The following KIAA1671 variants were observed in gnomAD, a reference collection of about 807,000 sequenced individuals.
The protein encoded by KIAA1671 is uncharacterized protein KIAA1671.
In KIAA1671, 52 loss-of-function variants were observed where a neutral mutation model predicts 131.2. The ratio of observed to expected loss-of-function variants is 0.40; its 90% CI spans 0.32 to 0.50. The LOEUF (loss-of-function observed/expected upper bound fraction) is 0.50. Ranked by LOEUF, KIAA1671 falls within the 20% of genes least tolerant of loss-of-function variation. The pLI is 0.73. For missense variants in KIAA1671, 2,360 were observed against 2,364.2 expected (o/e 1.00, Z 0.04); for synonymous variants, 1,003 against 961.6 (o/e 1.04, Z -0.80).
chr22:25,085,095 G>C (rs1929634132), intron 6 of KIAA1671, among the ~76,000 whole-genome samples: 1 of 152,254 alleles, frequency 6.6e-6, no homozygotes, highest in South Asian at 2.1e-4. Flanking sequence ...AGGAGTGGCA[G>C]AGAATGTGTA....
At chr22:25,009,265 T>C (rs2123873900) in intron 1 of KIAA1671, among the ~76,000 whole-genome samples, 1 of 138,676 alleles carries the variant, frequency 7.2e-6, no homozygotes, top group South Asian at 2.5e-4. Context: ...TTTTTTTTTT[T>C]TTTTTTTTTT....
chr22:25,149,566 C>T (rs1309449921), intron 6 of KIAA1671, among the ~76,000 whole-genome samples: 1 of 152,134 alleles, frequency 6.6e-6, no homozygotes, highest in Non-Finnish European at 1.5e-5. Context: ...TGAGCCCTTC[C>T]TCCTTGCCCC....
At chr22:25,136,432 G>A (rs1240786390) in intron 6 of KIAA1671, among the ~76,000 whole-genome samples, 1 of 152,158 alleles carries the variant, frequency 6.6e-6, no homozygotes, top group Non-Finnish European at 1.5e-5. Flanking sequence ...CCAGACTGTG[G>A]CATTTCTGAT....
At chr22:24,989,084 T>C (rs917556022) in intron 1 of KIAA1671, among the ~76,000 whole-genome samples, 2 of 152,218 alleles carry the variant, frequency 1.3e-5, no homozygotes, top group East Asian at 3.9e-4. Flanking sequence ...CAATCTTTTT[T>C]CAAGGTCCCT....
chr22:25,042,237 A>G (rs1440869563), intron 5 of KIAA1671, among the ~76,000 whole-genome samples: 3 of 152,194 alleles, frequency 2.0e-5, no homozygotes, highest in African/African-American at 2.4e-5. Flanking sequence ...CCTGTTTTAC[A>G]CTTCTGTCCT....
intron 6 of KIAA1671, among the ~76,000 whole-genome samples, chr22:25,096,640 C>T (rs985563028): frequency 1.3e-5 from 2 of 152,220 alleles, no homozygotes. Flanking sequence ...AATTGACATA[C>T]AATAAACAAC....
At chr22:25,141,324 C>G (rs1393299093) in intron 6 of KIAA1671, among the ~76,000 whole-genome samples, 4 of 152,094 alleles carry the variant, frequency 2.6e-5, no homozygotes, top group Non-Finnish European at 5.9e-5. Flanking sequence ...GCTCTGCCTC[C>G]TGGGTTCACG....
At chr22:25,119,657 GAGTGTATTTTAGGAAC>G (rs930217857) in intron 6 of KIAA1671, among the ~76,000 whole-genome samples, 2 of 152,220 alleles carry the variant, frequency 1.3e-5, no homozygotes, top group Non-Finnish European at 2.9e-5. Flanking sequence ...GGACCCATGG[GAGTGTATTTTAGGAAC>G]AGTGGTCAGG....
At chr22:25,146,597 C>G (rs1399903435) in intron 6 of KIAA1671, among the ~76,000 whole-genome samples, 1 of 152,168 alleles carries the variant, frequency 6.6e-6, no homozygotes, top group Non-Finnish European at 1.5e-5. Flanking sequence ...GCTTTGACTC[C>G]CAGCACTGTG....
At position 25,039,498 on chromosome 22, in the gene KIAA1671, G is replaced by A; in HGVS notation, c.2368G>A (p.Ala790Thr). Residue 790 changes from alanine to threonine, a missense_variant, in exon 5 of 13, where the codon GCG (alanine) becomes ACG (threonine). Around this residue, in one of 3 missense-constraint regions of KIAA1671, gnomAD observed 1,185 missense variants for 1,126.2 expected, o/e 1.05. Transcript: ENST00000358431. ...CCTGGAGTGTGGTTTGGAAGGTCAG[G>A]CGGGGTCCGTCCAAAGGGCCAGTTT... ...ADLECGLEGQ[A>T]GSVQRASLIW... The A allele has an allele frequency of 6.4e-7, 1 of 1,551,814 alleles. No homozygotes were observed. Among genetic ancestry groups the A allele is most frequent in the Non-Finnish European group, 8.7e-7 (1 of 1,147,014 alleles).
chr22:25,033,788 G>A (rs1233451270), intron 4 of KIAA1671, among the ~76,000 whole-genome samples: 1 of 151,776 alleles, frequency 6.6e-6, no homozygotes, highest in Non-Finnish European at 1.5e-5. Context: ...CACCATGTTA[G>A]CCAGGATGGT....
intron 6 of KIAA1671, among the ~76,000 whole-genome samples, chr22:25,096,554 T>C (rs1031514053): frequency 6.6e-6 from 1 of 152,230 alleles, no homozygotes; most frequent in African/African-American, 2.4e-5. Context: ...TCCCATCCCA[T>C]GTCCTTTGCC....
At chr22:25,007,176 T>C (rs1000383562) in intron 1 of KIAA1671, among the ~76,000 whole-genome samples, 1 of 152,158 alleles carries the variant, frequency 6.6e-6, no homozygotes, top group Non-Finnish European at 1.5e-5. Context: ...GGACCTGTGC[T>C]ACCCTGGAGT....
At chr22:25,090,671 A>G (rs763853359) in intron 6 of KIAA1671, among the ~76,000 whole-genome samples, 1 of 152,246 alleles carries the variant, frequency 6.6e-6, no homozygotes, top group Non-Finnish European at 1.5e-5. Context: ...CAGACACCAC[A>G]CAAGGCACTT....
intron 1 of KIAA1671, among the ~76,000 whole-genome samples, chr22:24,960,795 G>T (rs552298569): frequency 2.6e-5 from 4 of 151,210 alleles, no homozygotes; most frequent in Non-Finnish European, 5.9e-5. Context: ...TGTTTAGAAC[G>T]TTGAAATGAC....
At chr22:25,046,781 G>A (rs915723780) in intron 5 of KIAA1671, among the ~76,000 whole-genome samples, 2 of 152,086 alleles carry the variant, frequency 1.3e-5, no homozygotes, top group Middle Eastern at 6.3e-3. Context: ...GGTTGCCTAT[G>A]GGAGTAACAC....
Position 25,039,557 on chromosome 22 carries a change from T to C in KIAA1671, c.2427T>C (p.Ser809=). Reference sequence around the variant, plus strand: ...AAGCTCGAGGCATGCCTGAGGCTAGTGGACCGAAGTTTGGGGGCAATTGCC... The same window carrying C: ...AAGCTCGAGGCATGCCTGAGGCTAGCGGACCGAAGTTTGGGGGCAATTGCC... The part of the protein sequence containing the change: ...IWEARGMPEA[S]GPKFGGNCPF... Residue 809 remains serine, a synonymous_variant, in exon 5 of 13, where the codon AGT becomes AGC. Transcript: ENST00000358431. 3.2e-6 allele frequency: 5 copies of C among 1,551,770 alleles called. No homozygotes were observed. The highest frequency in any genetic ancestry group is 2.4e-5 in the East Asian group (1 of 40,916).
chr22:25,048,829 C>T (rs1443206083), intron 5 of KIAA1671: 10 of 165,456 alleles, frequency 6.0e-5, no homozygotes. Flanking sequence ...CCCCAGGTGC[C>T]AGGGATGGAG....
chr22:25,167,342 C>T (rs987207540), intron 6 of KIAA1671, among the ~76,000 whole-genome samples: 1 of 152,118 alleles, frequency 6.6e-6, no homozygotes, highest in Non-Finnish European at 1.5e-5. Flanking sequence ...ATTTCTCTTA[C>T]GGGAATAATT....
Sources: gnomAD v4.1 joint callset for allele counts (sites outside exome capture counted in the v4.1 genomes callset) on GRCh38, gnomAD v4.1.1 for gene constraint, gnomAD v4.1.1 regional missense constraint, MANE v1.5 for transcripts, NCBI Gene and HGNC (gene_info 2026-07-23, HGNC 2026-07-21) for gene names.